The following SUSD4 variants were observed in gnomAD, a reference collection of about 807,000 sequenced individuals.
SUSD4 encodes the protein sushi domain containing 4, also known as sushi domain-containing protein 4.
A neutral mutation model predicts 50.5 loss-of-function variants in SUSD4; 41 were observed. The ratio of observed to expected loss-of-function variants is 0.81; its 90% CI spans 0.63 to 1.05. The LOEUF is 1.05. Ranked by LOEUF, SUSD4 falls within the 50% of genes least tolerant of loss-of-function variation. SUSD4 has a pLI of 0.00. For synonymous variants in SUSD4, 257 were observed against 257.3 expected (o/e 1.00, Z 0.01); for missense variants, 580 against 634.7 (o/e 0.91, Z 0.93).
intron 2 of SUSD4, among the ~76,000 whole-genome samples, chr1:223,348,971 AG>A (rs988874102): frequency 2.6e-5 from 4 of 152,064 alleles, no homozygotes; most frequent in African/African-American, 7.2e-5. Flanking sequence ...GAAGCTCAGA[AG>A]CTCTGGGAGG....
At position 223,248,801 on chromosome 1, in the gene SUSD4, C is replaced by A. The variant is rs184356957; in HGVS notation, c.724+15829G>T. Among the ~76,000 whole-genome samples the A allele has an allele frequency of 2.6e-5, 4 of 152,174 alleles. No individual in the cohort carries two copies. The East Asian group carries it at 5.8e-4, about 22-fold the overall frequency. On this transcript the variant is annotated intron_variant, in intron 5 of 8. Coordinates refer to ENST00000366878, the MANE Select transcript of SUSD4 (RefSeq NM_017982.4). ...TCTCTGAGTCACTACGTTAGGATGT[C>A]CCTGAAGGAATACAAAATGCATGTG...
chr1:223,323,110 T>C (rs778197370), intron 2 of SUSD4, among the ~76,000 whole-genome samples: 3 of 151,928 alleles, frequency 2.0e-5, no homozygotes, highest in Non-Finnish European at 4.4e-5. Context: ...GGGGAGCATG[T>C]TCCTGCTCCT....
chr1:223,354,254 A>T (rs545387516), intron 2 of SUSD4, among the ~76,000 whole-genome samples: 2 of 152,268 alleles, frequency 1.3e-5, no homozygotes, highest in South Asian at 4.2e-4. Flanking sequence ...TAAGAGGAGC[A>T]ATCAATTGCC....
chr1:223,244,392 G>T (rs952445259), intron 5 of SUSD4, among the ~76,000 whole-genome samples: 2 of 152,202 alleles, frequency 1.3e-5, no homozygotes, highest in African/African-American at 4.8e-5. Context: ...ACAAGAGGAG[G>T]CCAGGAAAAG....
rs1234899614 is a variant in SUSD4, at chr1:223,229,857, C to T, written c.725-469G>A. On this transcript the variant is annotated intron_variant, in intron 5 of 8. Transcript: ENST00000366878. This position sits in a 1 kb window ranked among gnomAD's most constrained non-coding sequence, Gnocchi z 4.7. ...ACAGGGCAGTGTCCCTAACCTGATC[C>T]CCTACAGCTCTGCTGAGGCTTAGCC... Among the ~76,000 whole-genome samples the T allele has an allele frequency of 1.3e-5, 2 of 152,154 alleles. No homozygotes were observed. The highest frequency in any genetic ancestry group is 6.6e-5 in the Admixed American group (1 of 15,264).
At chr1:223,302,075 C>T (rs919812504) in intron 2 of SUSD4, among the ~76,000 whole-genome samples, 24 of 152,126 alleles carry the variant, frequency 1.6e-4, no homozygotes, top group African/African-American at 5.8e-4. Flanking sequence ...GTGCTGTCTC[C>T]TGATACAGTT....
At chr1:223,234,834 C>T (rs1660106631) in intron 5 of SUSD4, 4 of 1,359,148 alleles carry the variant, frequency 2.9e-6, no homozygotes, top group Non-Finnish European at 3.9e-6. Context: ...ACCTTCAAAA[C>T]AATGCCAGTT....
chr1:223,324,449 T>C (rs893897701), intron 2 of SUSD4, among the ~76,000 whole-genome samples: 2 of 151,650 alleles, frequency 1.3e-5, no homozygotes, highest in Middle Eastern at 3.2e-3. Context: ...AAAATACATA[T>C]TTACAAAGAT....
At position 223,332,426 on chromosome 1, in the gene SUSD4, G is replaced by A. The variant is rs528860369; in HGVS notation, c.148+30852C>T. ...TTGGTGAGGTCTCTTACAAAAATTG[G>A]ATATTTACTGCTGCTAGTATCTGTA... On this transcript the variant is annotated intron_variant, in intron 2 of 8. Coordinates refer to ENST00000366878, the MANE Select transcript of SUSD4 (RefSeq NM_017982.4). This position sits in a 1 kb window ranked among gnomAD's most constrained non-coding sequence, Gnocchi z 4.0. Among the ~76,000 whole-genome samples, 96 of 152,220 alleles carry A rather than the reference G, an allele frequency of 6.3e-4. No individual in the cohort carries two copies. The highest frequency in any genetic ancestry group is 2.1e-3 in the African/African-American group (89 of 41,528).
At chr1:223,224,167 C>T (rs1023229211) in intron 7 of SUSD4, among the ~76,000 whole-genome samples, 1 of 152,034 alleles carries the variant, frequency 6.6e-6, no homozygotes, top group South Asian at 2.1e-4. Context: ...TGAAACCCTG[C>T]CTATACAAAA....
chr1:223,303,013 T>G (rs1013829434), intron 2 of SUSD4, among the ~76,000 whole-genome samples: 3 of 152,166 alleles, frequency 2.0e-5, no homozygotes, highest in Non-Finnish European at 4.4e-5. Context: ...CTGGGCATGG[T>G]GGTATGCTCC....
intron 2 of SUSD4, among the ~76,000 whole-genome samples, chr1:223,298,540 A>C (rs1320756595): frequency 6.6e-6 from 1 of 152,152 alleles, no homozygotes; most frequent in Non-Finnish European, 1.5e-5. Context: ...TCCCCAGCAC[A>C]CACTTTTTGG....
At chr1:223,224,697 C>T (rs1360721058) in intron 7 of SUSD4, among the ~76,000 whole-genome samples, 1 of 151,994 alleles carries the variant, frequency 6.6e-6, no homozygotes, top group Non-Finnish European at 1.5e-5. Context: ...CAGTTCCTGG[C>T]CTGCTCCCTT....
chr1:223,317,364 A>G (rs1034253465), intron 2 of SUSD4, among the ~76,000 whole-genome samples: 2 of 152,216 alleles, frequency 1.3e-5, no homozygotes, highest in African/African-American at 4.8e-5. Flanking sequence ...TAAAATCAAG[A>G]AATAACCATA....
intron 8 of SUSD4, among the ~76,000 whole-genome samples, chr1:223,222,990 C>G (rs759386646): frequency 1.3e-5 from 2 of 152,208 alleles, no homozygotes; most frequent in Non-Finnish European, 2.9e-5. Flanking sequence ...CTGGATGGCT[C>G]GATGCCTTTT....
intron 3 of SUSD4, among the ~76,000 whole-genome samples, chr1:223,275,941 C>T (rs1265948652): frequency 6.6e-6 from 1 of 152,182 alleles, no homozygotes; most frequent in Non-Finnish European, 1.5e-5. Flanking sequence ...CACACCGAGG[C>T]CTCACACTCT....
intron 7 of SUSD4, among the ~76,000 whole-genome samples, chr1:223,225,464 G>A (rs1338524859): frequency 1.3e-5 from 2 of 152,092 alleles, no homozygotes. Flanking sequence ...GAGAGGGCGG[G>A]AGACCACCAA....
intron 5 of SUSD4, chr1:223,263,818 G>GCAGC (rs1662290094): frequency 2.0e-6 from 2 of 985,288 alleles, no homozygotes; most frequent in African/African-American, 3.5e-5. Context: ...CCATTGTTTT[G>GCAGC]CTTTGTTTCC....
chr1:223,235,694 G>T (rs1352888746), intron 5 of SUSD4, among the ~76,000 whole-genome samples: 1 of 152,134 alleles, frequency 6.6e-6, no homozygotes, highest in Non-Finnish European at 1.5e-5. Flanking sequence ...TGGTTTGAAG[G>T]TTAATTTATT....
Sources: allele counts gnomAD v4.1 joint callset (sites outside exome capture counted in the v4.1 genomes callset), GRCh38; gene constraint gnomAD v4.1.1; non-coding constraint Gnocchi (gnomAD v3.1); transcripts MANE v1.5; gene names NCBI Gene and HGNC (gene_info 2026-07-23, HGNC 2026-07-21).